HMGXB4: variants seen among roughly 807,000 people sequenced by gnomAD.
HMGXB4 encodes the protein HMG domain-containing protein 4.
In HMGXB4, 27 loss-of-function variants were observed where a neutral mutation model predicts 63.9. The ratio of observed to expected loss-of-function variants is 0.42; its 90% CI spans 0.31 to 0.58. HMGXB4 has a LOEUF of 0.58. Ranked by LOEUF, HMGXB4 falls within the 20% of genes least tolerant of loss-of-function variation. HMGXB4 has a pLI of 0.13. For missense variants in HMGXB4, 624 were observed against 700.7 expected, an observed-to-expected ratio of 0.89 and a Z score of 1.24; for synonymous variants, 264 against 265.3, an observed-to-expected ratio of 0.99 and a Z score of 0.05.
intron 1 of HMGXB4, chr22:35,258,025 C>G (rs541655370): frequency 6.6e-6 from 1 of 152,376 alleles, no homozygotes; most frequent in African/African-American, 2.4e-5. Flanking sequence ...CACGGGAGGG[C>G]TGGGGCTGCG....
chr22:35,272,909 G>A (rs1388370347), intron 5 of HMGXB4, among the ~76,000 whole-genome samples: 3 of 152,188 alleles, frequency 2.0e-5, no homozygotes, highest in Admixed American at 6.5e-5. Context: ...CCTCCAGCCT[G>A]GGCAACAGCG....
intron 9 of HMGXB4, among the ~76,000 whole-genome samples, chr22:35,291,862 G>A (rs140486103): frequency 3.3e-5 from 5 of 152,276 alleles, no homozygotes; most frequent in African/African-American, 7.2e-5. Flanking sequence ...CTCAAGGTCC[G>A]GGTTCTTAAC....
chr22:35,243,109 G>A, the HMGXB4 span, among the ~76,000 whole-genome samples: 2 of 152,274 alleles, frequency 1.3e-5, no homozygotes, highest in East Asian at 1.9e-4. Flanking sequence ...GGTGGCTCAC[G>A]CTTGTAATTC....
chr22:35,247,358 C>T, the HMGXB4 span, among the ~76,000 whole-genome samples: 880 of 152,312 alleles, frequency 5.8e-3, 3 homozygotes, highest in African/African-American at 0.02. Flanking sequence ...CAGCACTCCA[C>T]GAGCTACAGA....
At chr22:35,259,632 C>A (rs1350398235) in intron 1 of HMGXB4, among the ~76,000 whole-genome samples, 1 of 152,180 alleles carries the variant, frequency 6.6e-6, no homozygotes, top group Non-Finnish European at 1.5e-5. Flanking sequence ...AAACTAAACC[C>A]TGAGCTGCAA....
rs534508709 is a variant in HMGXB4, at chr22:35,293,777, A to G, written c.*126A>G. 89 of 518,740 alleles carry G rather than the reference A, an allele frequency of 1.7e-4. No homozygotes were observed. The highest frequency in any genetic ancestry group is 1.1e-3 in the Middle Eastern group (3 of 2,810). The allele number at this position is 518,740 out of a possible 1,614,324, so 32.1% of individuals were successfully genotyped here. A position where few individuals can be genotyped will look rare whatever the true frequency, so the allele number is the denominator to read the frequency against. ...TAAATTTTTATATCTATACATACAT[A>G]TATACATATATATATAATGTACAAT... On this transcript the variant is annotated 3_prime_UTR_variant, in exon 11 of 11. Transcript: ENST00000216106.
intron 1 of HMGXB4, among the ~76,000 whole-genome samples, chr22:35,259,837 G>C (rs1033512452): frequency 2.6e-5 from 4 of 152,136 alleles, no homozygotes; most frequent in African/African-American, 9.7e-5. Context: ...TTTATAAAAT[G>C]CTCTTCAGTG....
At chr22:35,262,125 A>T (rs750986845) in intron 1 of HMGXB4, 198 bp from the exon 2 acceptor site, 9 of 397,888 alleles carry the variant, frequency 2.3e-5, no homozygotes, top group Non-Finnish European at 2.7e-5. Flanking sequence ...TTCATGACTG[A>T]AATCTAATTA....
In HMGXB4 at chr22:35,265,493, G is replaced by T; in HGVS notation, c.1105G>T (p.Ala369Ser). Residue 369 changes from alanine to serine, a missense_variant, in exon 5 of 11, where the codon GCT (alanine) becomes TCT (serine). Around this residue, in one of 2 missense-constraint regions of HMGXB4, gnomAD observed 472 missense variants for 470.6 expected, o/e 1.00. Coordinates refer to ENST00000216106, the MANE Select transcript of HMGXB4 (RefSeq NM_001003681.3). The stretch of plus-strand genomic sequence containing the variant: ...TGGCCCTCCTCCCAGCATCCCATAC[G>T]CTGGAGCAGCAGCACCTCCCCTGCC... ...TSGPPPSIPY[A>S]GAAAPPLPLP... 2 of 1,613,814 alleles carry T rather than the reference G, an allele frequency of 1.2e-6. No homozygotes were observed. The highest frequency in any genetic ancestry group is 1.7e-6 in the Non-Finnish European group (2 of 1,179,968).
At chr22:35,277,182 G>A (rs1444622676) in intron 5 of HMGXB4, among the ~76,000 whole-genome samples, 2 of 152,162 alleles carry the variant, frequency 1.3e-5, no homozygotes, top group African/African-American at 4.8e-5. Context: ...CGAGGCTCAA[G>A]CTCATTCAAG....
intron 4 of HMGXB4, chr22:35,264,140 C>A: frequency 8.0e-7 from 1 of 1,245,408 alleles, no homozygotes; most frequent in South Asian, 1.3e-5. Flanking sequence ...TATCTTGTGC[C>A]CATTGTTATC....
chr22:35,267,897 C>G (rs1923359503), intron 5 of HMGXB4, among the ~76,000 whole-genome samples: 1 of 152,180 alleles, frequency 6.6e-6, no homozygotes, highest in Admixed American at 6.5e-5. Flanking sequence ...CATTTCACCC[C>G]TAAACACTTC....
intron 6 of HMGXB4, among the ~76,000 whole-genome samples, 159 bp from the exon 7 acceptor site, chr22:35,285,833 AAAATC>A (rs1924543013): frequency 1.3e-5 from 2 of 152,346 alleles, no homozygotes; most frequent in Admixed American, 1.3e-4. Flanking sequence ...CCTATAGAAA[AAAATC>A]AAAGAAGAGT....
At chr22:35,246,065 G>C in the HMGXB4 span, among the ~76,000 whole-genome samples, 16 of 152,276 alleles carry the variant, frequency 1.1e-4, no homozygotes, top group Admixed American at 3.9e-4. Flanking sequence ...CTGGGTGAGA[G>C]TGGGGCCTCA....
chr22:35,256,108 CA>C (rs1922389427), upstream of HMGXB4, among the ~76,000 whole-genome samples: 1 of 152,196 alleles, frequency 6.6e-6, no homozygotes, highest in South Asian at 2.1e-4. Context: ...CATGATATAG[CA>C]AAAAGAGCAC....
chr22:35,284,773 T>C (rs1391259131), intron 6 of HMGXB4, among the ~76,000 whole-genome samples: 1 of 152,208 alleles, frequency 6.6e-6, no homozygotes, highest in Non-Finnish European at 1.5e-5. Flanking sequence ...GTCTCTGTAT[T>C]AGAAGTTAAT....
chr22:35,256,344 G>T (rs983013714), upstream of HMGXB4, among the ~76,000 whole-genome samples: 4 of 152,144 alleles, frequency 2.6e-5, no homozygotes, highest in African/African-American at 9.7e-5. Context: ...GTTGCATGGG[G>T]TTCACAACTC....
At chr22:35,259,584 T>C (rs1192395382) in intron 1 of HMGXB4, among the ~76,000 whole-genome samples, 2 of 152,244 alleles carry the variant, frequency 1.3e-5, no homozygotes, top group African/African-American at 4.8e-5. Context: ...CTGCCTTTCT[T>C]TCACACTGTT....
chr22:35,252,403 T>C, the HMGXB4 span, among the ~76,000 whole-genome samples: 9 of 152,196 alleles, frequency 5.9e-5, no homozygotes, highest in African/African-American at 1.7e-4. Context: ...CTGGCAACTA[T>C]TGAATTCTCT....
Sources: gnomAD v4.1 joint callset for allele counts (sites outside exome capture counted in the v4.1 genomes callset) on GRCh38, gnomAD v4.1.1 for gene constraint, gnomAD v4.1.1 regional missense constraint, MANE v1.5 for transcripts, NCBI Gene and HGNC (gene_info 2026-07-23, HGNC 2026-07-21) for gene names.